Variants in MIPEP observed in about 807,000 individuals in gnomAD.
MIPEP encodes mitochondrial intermediate peptidase.
MIPEP carries 79 observed loss-of-function variants against 90.3 expected under a neutral mutation model. The ratio of observed to expected loss-of-function variants is 0.87; its 90% CI spans 0.73 to 1.05. The LOEUF (loss-of-function observed/expected upper bound fraction) is 1.05. Among genes scored for constraint, MIPEP ranks in the 50% least tolerant of loss-of-function variants. MIPEP has a pLI of 0.00. For missense variants in MIPEP, 940 were observed against 905.6 expected (o/e 1.04, Z -0.49); for synonymous variants, 334 against 315.8 (o/e 1.06, Z -0.61).
At chr13:23,786,670 T>C (rs1952844428) in intron 16 of MIPEP, among the ~76,000 whole-genome samples, 1 of 151,936 alleles carries the variant, frequency 6.6e-6, no homozygotes, top group Non-Finnish European at 1.5e-5. Flanking sequence ...AAAGAGTGAC[T>C]TTACTAGTAA....
chr13:23,777,963 AG>A (rs2137356412), intron 16 of MIPEP, among the ~76,000 whole-genome samples: 1 of 152,356 alleles, frequency 6.6e-6, no homozygotes, highest in South Asian at 2.1e-4. Flanking sequence ...GGTTAGAAAA[AG>A]TGGTTATGAA....
intron 16 of MIPEP, among the ~76,000 whole-genome samples, chr13:23,782,029 A>C (rs1419551393): frequency 3.3e-5 from 5 of 152,198 alleles, no homozygotes; most frequent in Non-Finnish European, 5.9e-5. Context: ...CCCCACTGTC[A>C]ACATTAGACA....
chr13:23,782,971 A>C (rs1952796442), intron 16 of MIPEP, among the ~76,000 whole-genome samples: 1 of 152,240 alleles, frequency 6.6e-6, no homozygotes, highest in Non-Finnish European at 1.5e-5. Flanking sequence ...TTAATAGCCT[A>C]CCAACCAAAA....
In MIPEP at chr13:23,879,530, T is replaced by C. The variant is rs554090726; in HGVS notation, c.453-176A>G. On this transcript the variant is annotated intron_variant, in intron 3 of 18. Transcript: ENST00000382172. ...CTTCTTTCCTTCCCTTCTTTCTTTCTTTCCCTTATTTTGGAGACAGGGTCT... is the reference window on the plus strand; with the variant it reads ...CTTCTTTCCTTCCCTTCTTTCTTTCCTTCCCTTATTTTGGAGACAGGGTCT... Among the ~76,000 whole-genome samples the C allele has an allele frequency of 2.8e-4, 43 of 152,142 alleles. No homozygotes were observed. The South Asian group carries it at 8.7e-3, about 31-fold the overall frequency.
At chr13:23,870,294 T>C (rs1159275941) in intron 5 of MIPEP, 99 bp from the exon 6 acceptor site, 1 of 643,276 alleles carries the variant, frequency 1.6e-6, no homozygotes, top group Non-Finnish European at 2.3e-6. Flanking sequence ...ACATATATAT[T>C]GTTGAATTAT....
At chr13:23,870,398 T>C (rs764516440) in intron 5 of MIPEP, among the ~76,000 whole-genome samples, 16 of 152,020 alleles carry the variant, frequency 1.1e-4, no homozygotes, top group Admixed American at 6.6e-5. Context: ...TTTAATATTC[T>C]AACAAAAAGA....
chr13:23,770,002 G>A (rs1670079066), intron 16 of MIPEP, among the ~76,000 whole-genome samples: 1 of 152,186 alleles, frequency 6.6e-6, no homozygotes, highest in African/African-American at 2.4e-5. Context: ...CCCACCAGCA[G>A]GAGGGCTCTC....
chr13:23,767,034 C>G lies in MIPEP; in HGVS notation c.1849-6817G>C, dbSNP rs528509801. ...AGAGGTCTGGGGGAGGACCCTGGAA[C>G]CTGGGGGGCCCTCTAGGACCTGTGG... On this transcript the variant is annotated intron_variant, in intron 16 of 18. Transcript: ENST00000382172. Among the ~76,000 whole-genome samples the G allele has an allele frequency of 2.4e-4, 36 of 152,316 alleles. No homozygotes were observed. The South Asian group carries it at 7.5e-3, about 32-fold the overall frequency.
intron 14 of MIPEP, among the ~76,000 whole-genome samples, chr13:23,828,502 C>T (rs534466261): frequency 2.0e-5 from 3 of 152,256 alleles, no homozygotes; most frequent in African/African-American, 7.2e-5. Flanking sequence ...GAGCACTATA[C>T]AAAAATGGAC....
At chr13:23,836,475 AT>A in intron 13 of MIPEP, 126 bp from the exon 14 acceptor site, 1 of 483,072 alleles carries the variant, frequency 2.1e-6, no homozygotes, top group Non-Finnish European at 3.5e-6. Flanking sequence ...TTAAATCAAT[AT>A]TTTTCTTCTA....
At chr13:23,815,863 G>C (rs757947641) in intron 14 of MIPEP, among the ~76,000 whole-genome samples, 2 of 152,134 alleles carry the variant, frequency 1.3e-5, no homozygotes, top group Non-Finnish European at 2.9e-5. Context: ...AAGTAGAACT[G>C]GTTATCAAAC....
At chr13:23,873,061 C>T (rs181715922) in intron 5 of MIPEP, among the ~76,000 whole-genome samples, 2 of 152,298 alleles carry the variant, frequency 1.3e-5, no homozygotes, top group African/African-American at 4.8e-5. Context: ...AGAAGAATGC[C>T]ACATGACTGA....
At position 23,856,545 on chromosome 13, in the gene MIPEP, A is replaced by G. The variant is rs184759397; in HGVS notation, c.1106+2315T>C. Among the ~76,000 whole-genome samples the G allele has an allele frequency of 2.6e-5, 4 of 152,322 alleles. No individual in the cohort carries two copies. The East Asian group carries it at 7.7e-4, about 29-fold the overall frequency. ...TGCAAATTGGGGGTAGATTATTCAG[A>G]ACTTTCTAGGAAGGGGGTGCTAACT... On this transcript the variant is annotated intron_variant, in intron 10 of 18. Transcript: ENST00000382172.
intron 16 of MIPEP, among the ~76,000 whole-genome samples, chr13:23,792,191 C>T (rs1952903960): frequency 6.6e-6 from 1 of 152,166 alleles, no homozygotes; most frequent in Non-Finnish European, 1.5e-5. Context: ...GGGTTGATCT[C>T]ACCCAGTTCC....
At chr13:23,742,903 A>G (rs965005378) in intron 18 of MIPEP, among the ~76,000 whole-genome samples, 6 of 152,248 alleles carry the variant, frequency 3.9e-5, no homozygotes, top group African/African-American at 1.4e-4. Flanking sequence ...TAAGTGTAGG[A>G]CATTGTGAAT....
chr13:23,872,204 A>G (rs1382360359), intron 5 of MIPEP, among the ~76,000 whole-genome samples: 1 of 152,238 alleles, frequency 6.6e-6, no homozygotes, highest in African/African-American at 2.4e-5. Flanking sequence ...GCTCACGCCT[A>G]TAATCCCAGA....
chr13:23,882,939 A>C (rs1168675300), intron 2 of MIPEP, among the ~76,000 whole-genome samples: 1 of 152,116 alleles, frequency 6.6e-6, no homozygotes, highest in Non-Finnish European at 1.5e-5. Context: ...ATACATATTA[A>C]AAACTGATTT....
At chr13:23,846,000 C>T (rs1869521857) in intron 10 of MIPEP, among the ~76,000 whole-genome samples, 1 of 151,838 alleles carries the variant, frequency 6.6e-6, no homozygotes, top group Non-Finnish European at 1.5e-5. Context: ...CTGCAACCTC[C>T]ACCTGCTGGG....
intron 16 of MIPEP, among the ~76,000 whole-genome samples, chr13:23,761,013 T>C (rs962370069): frequency 5.3e-5 from 8 of 152,186 alleles, no homozygotes; most frequent in African/African-American, 9.7e-5. Context: ...AAACCTTCCA[T>C]GTTTTTACCA....
Sources: allele counts gnomAD v4.1 joint callset (sites outside exome capture counted in the v4.1 genomes callset), GRCh38; gene constraint gnomAD v4.1.1; transcripts MANE v1.5; gene names NCBI Gene and HGNC (gene_info 2026-07-23, HGNC 2026-07-21).